The following PRRX1 variants were observed in gnomAD, a reference collection of about 807,000 sequenced individuals.
The protein encoded by PRRX1 is paired mesoderm homeobox protein 1.
Under a neutral mutation model 24.0 loss-of-function variants are expected in PRRX1, and 8 were observed. That is an observed-to-expected ratio of 0.33 (90% CI 0.20 to 0.60). The LOEUF (loss-of-function observed/expected upper bound fraction) is 0.60. PRRX1 is among the 20% of genes least tolerant of loss of function. The pLI, the probability that PRRX1 is intolerant of heterozygous loss-of-function variation, is 0.82. For missense variants in PRRX1, 281 were observed against 322.4 expected, an observed-to-expected ratio of 0.87 and a Z score of 0.98; for synonymous variants, 160 against 131.7, an observed-to-expected ratio of 1.22 and a Z score of -1.47.
chr1:170,675,978 AT>A (rs1465396323), intron 1 of PRRX1, among the ~76,000 whole-genome samples: 1 of 152,176 alleles, frequency 6.6e-6, no homozygotes, highest in Non-Finnish European at 1.5e-5. Flanking sequence ...CACATTGCCT[AT>A]TTCTAAGAGA....
At chr1:170,705,935 T>TACACACACACACACAC (rs71125270) in intron 1 of PRRX1, among the ~76,000 whole-genome samples, 116 of 146,530 alleles carry the variant, frequency 7.9e-4, no homozygotes, top group African/African-American at 2.7e-3. Flanking sequence ...CACACACACA[T>TACACACACACACACAC]ACACACACAC....
intron 3 of PRRX1, among the ~76,000 whole-genome samples, chr1:170,733,989 C>T (rs1460551376): frequency 3.3e-5 from 5 of 152,082 alleles, no homozygotes; most frequent in Non-Finnish European, 5.9e-5. Flanking sequence ...TTAAACCTAC[C>T]TTAACTGGGA....
intron 1 of PRRX1, among the ~76,000 whole-genome samples, chr1:170,677,476 A>G (rs1653363238): frequency 1.3e-5 from 2 of 152,216 alleles, no homozygotes; most frequent in Admixed American, 6.5e-5. Context: ...ACCCCACAGC[A>G]TCTCTGACTA....
At chr1:170,697,023 T>C (rs546748483) in intron 1 of PRRX1, among the ~76,000 whole-genome samples, 1 of 152,324 alleles carries the variant, frequency 6.6e-6, no homozygotes, top group Admixed American at 6.5e-5. Flanking sequence ...TTCATGAACA[T>C]AGCAGACCAA....
chr1:170,732,214 G>C (rs564034580), intron 3 of PRRX1, among the ~76,000 whole-genome samples: 2 of 152,268 alleles, frequency 1.3e-5, no homozygotes, highest in African/African-American at 4.8e-5. Flanking sequence ...CCTATAAATT[G>C]GTTGAAAACA....
chr1:170,679,167 A>G (rs185702504), intron 1 of PRRX1, among the ~76,000 whole-genome samples: 8 of 152,322 alleles, frequency 5.3e-5, no homozygotes, highest in African/African-American at 1.7e-4. Flanking sequence ...GGGCAGAGGC[A>G]AACAGTTTAA....
At chr1:170,680,028 A>G (rs1653456442) in intron 1 of PRRX1, among the ~76,000 whole-genome samples, 1 of 152,204 alleles carries the variant, frequency 6.6e-6, no homozygotes, top group Non-Finnish European at 1.5e-5. Flanking sequence ...ACGAAATTTC[A>G]ACATAACCTA....
At chr1:170,719,133 C>A (rs541963108) in intron 1 of PRRX1, among the ~76,000 whole-genome samples, 7 of 152,260 alleles carry the variant, frequency 4.6e-5, no homozygotes, top group African/African-American at 1.7e-4. Flanking sequence ...CTGAAGCCTG[C>A]CTTTGCAACA....
chr1:170,714,012 T>C (rs1190466624), intron 1 of PRRX1, among the ~76,000 whole-genome samples: 1 of 152,230 alleles, frequency 6.6e-6, no homozygotes, highest in African/African-American at 2.4e-5. Context: ...GATGTGTGTG[T>C]GCTGCTAAAC....
intron 1 of PRRX1, among the ~76,000 whole-genome samples, chr1:170,681,292 A>T (rs1653497615): frequency 6.6e-6 from 1 of 152,098 alleles, no homozygotes; most frequent in African/African-American, 2.4e-5. Flanking sequence ...ACAAACCAGA[A>T]CTTGTCTTGA....
intron 1 of PRRX1, among the ~76,000 whole-genome samples, chr1:170,670,242 C>T (rs1242590424): frequency 6.6e-6 from 1 of 152,036 alleles, no homozygotes; most frequent in African/African-American, 2.4e-5. Context: ...CCTTTAACTC[C>T]GTTTACAGCA....
intron 3 of PRRX1, chr1:170,727,049 C>A (rs752633829): frequency 6.6e-6 from 1 of 152,068 alleles, no homozygotes; most frequent in Non-Finnish European, 1.5e-5. Context: ...TAATTCTTGT[C>A]TACTTGTCTG....
At chr1:170,723,399 T>G (rs1655155147) in intron 2 of PRRX1, among the ~76,000 whole-genome samples, 1 of 152,246 alleles carries the variant, frequency 6.6e-6, no homozygotes, top group Admixed American at 6.5e-5. Flanking sequence ...TTGTAGTTTT[T>G]CAAATTTACA....
intron 1 of PRRX1, among the ~76,000 whole-genome samples, chr1:170,672,876 G>C (rs1453234887): frequency 6.6e-6 from 1 of 152,142 alleles, no homozygotes; most frequent in Non-Finnish European, 1.5e-5. Flanking sequence ...CCAGGCTCCT[G>C]TCCTTGTCTA....
chr1:170,702,839 A>G (rs901255105), intron 1 of PRRX1, among the ~76,000 whole-genome samples: 2 of 152,232 alleles, frequency 1.3e-5, no homozygotes, highest in African/African-American at 4.8e-5. Flanking sequence ...GCAGCATTTC[A>G]ATAATTTACG....
intron 1 of PRRX1, among the ~76,000 whole-genome samples, chr1:170,682,781 C>T (rs941722867): frequency 6.6e-6 from 1 of 152,112 alleles, no homozygotes; most frequent in African/African-American, 2.4e-5. Context: ...GAACACACAC[C>T]TAGATAAGTA....
At chr1:170,706,902 G>GA (rs1654587442) in intron 1 of PRRX1, among the ~76,000 whole-genome samples, 4 of 152,060 alleles carry the variant, frequency 2.6e-5, no homozygotes, top group Admixed American at 1.3e-4. Context: ...GCTGAGGCAG[G>GA]AGGATTGCAT....
chr1:170,664,386 C>T lies in PRRX1; in HGVS notation c.168C>T (p.Asn56=), dbSNP rs370202431. 3.2e-5 allele frequency: 52 copies of T among 1,613,360 alleles called. No homozygotes were observed. The Middle Eastern group carries it at 4.9e-4, about 15-fold the overall frequency. Reference sequence around the variant, plus strand: ...TGGTGGCGGCACAGGCGGATGAGAACGTGGGCGAGGCTGGCCGGAGCCTGC... The same window carrying T: ...TGGTGGCGGCACAGGCGGATGAGAATGTGGGCGAGGCTGGCCGGAGCCTGC... ...GDMVAAQADE[N]VGEAGRSLLE... The change falls in exon 1 of 4, where the codon AAC becomes AAT. Residue 56 remains asparagine, a synonymous_variant. Coordinates refer to ENST00000239461, the MANE Select transcript of PRRX1 (RefSeq NM_022716.4).
At chr1:170,696,001 C>T (rs1654154433) in intron 1 of PRRX1, among the ~76,000 whole-genome samples, 1 of 152,128 alleles carries the variant, frequency 6.6e-6, no homozygotes, top group East Asian at 1.9e-4. Flanking sequence ...AACATAAAGG[C>T]TTTGTTTGGC....
Sources: gnomAD v4.1 joint callset for allele counts (sites outside exome capture counted in the v4.1 genomes callset) on GRCh38, gnomAD v4.1.1 for gene constraint, MANE v1.5 for transcripts, NCBI Gene and HGNC (gene_info 2026-07-23, HGNC 2026-07-21) for gene names.